The following IGFL2 variants were observed in gnomAD, a reference collection of about 807,000 sequenced individuals.
The protein encoded by IGFL2 is insulin growth factor-like family member 2.
A neutral mutation model predicts 13.9 loss-of-function variants in IGFL2; 7 were observed. The observed-to-expected ratio is 0.51, with a 90% CI of 0.29 to 0.95. The LOEUF is 0.95. Ranked by LOEUF, IGFL2 falls within the 40% of genes least tolerant of loss-of-function variation. The pLI, the probability that IGFL2 is intolerant of heterozygous loss-of-function variation, is 0.08. For synonymous variants in IGFL2, 55 were observed against 55.8 expected, an observed-to-expected ratio of 0.99 and a Z score of 0.07; for missense variants, 138 against 147.8, an observed-to-expected ratio of 0.93 and a Z score of 0.34.
At chr19:46,208,877 G>T in the IGFL2 span, 1 of 151,950 alleles carries the variant, frequency 6.6e-6, no homozygotes, top group South Asian at 2.1e-4. Context: ...GTCTCAGGTA[G>T]TTTTTTTTAG....
the IGFL2 span, among the ~76,000 whole-genome samples, chr19:46,121,349 A>T: frequency 2.7e-5 from 4 of 147,736 alleles, no homozygotes; most frequent in African/African-American, 1.0e-4. Flanking sequence ...AACTGAGATC[A>T]TGCCACTGCA....
At chr19:46,126,311 C>T in the IGFL2 span, among the ~76,000 whole-genome samples, 1 of 152,208 alleles carries the variant, frequency 6.6e-6, no homozygotes, top group Admixed American at 6.5e-5. Context: ...TCTTACACAA[C>T]ATCATTCTCA....
At chr19:46,104,602 ATT>A in the IGFL2 span, among the ~76,000 whole-genome samples, 1 of 152,128 alleles carries the variant, frequency 6.6e-6, no homozygotes, top group Admixed American at 6.5e-5. Flanking sequence ...ACCAAGAGGT[ATT>A]TTAGTTGCCT....
At chr19:46,167,425 C>T in the IGFL2 span, among the ~76,000 whole-genome samples, 44 of 152,260 alleles carry the variant, frequency 2.9e-4, no homozygotes, top group East Asian at 8.5e-3. Context: ...GGACCTTTGC[C>T]CGTATCTGAT....
chr19:46,214,968 G>A, the IGFL2 span: 4 of 151,678 alleles, frequency 2.6e-5, no homozygotes, highest in African/African-American at 4.9e-5. Flanking sequence ...GCCATTGCTG[G>A]CCCCACACTT....
At chr19:46,112,672 T>C in the IGFL2 span, among the ~76,000 whole-genome samples, 2 of 152,222 alleles carry the variant, frequency 1.3e-5, no homozygotes, top group Admixed American at 6.5e-5. Flanking sequence ...TGTTAGAGAA[T>C]AGATTTTCTA....
chr19:46,118,377 A>G, the IGFL2 span, among the ~76,000 whole-genome samples: 1 of 152,212 alleles, frequency 6.6e-6, no homozygotes, highest in Non-Finnish European at 1.5e-5. Flanking sequence ...GAAGTAAGAA[A>G]AGGGTTTGAG....
the IGFL2 span, chr19:46,213,726 C>G: frequency 1.3e-5 from 2 of 153,942 alleles, no homozygotes; most frequent in Admixed American, 1.3e-4. Flanking sequence ...ACCCAATCTT[C>G]TTCTAAATGT....
the IGFL2 span, among the ~76,000 whole-genome samples, chr19:46,195,624 A>G: frequency 6.6e-6 from 1 of 152,064 alleles, no homozygotes; most frequent in East Asian, 1.9e-4. Context: ...GACAGGAGTA[A>G]AATCCACTCC....
the IGFL2 span, among the ~76,000 whole-genome samples, chr19:46,187,194 G>A: frequency 6.6e-6 from 1 of 151,788 alleles, no homozygotes; most frequent in Non-Finnish European, 1.5e-5. Flanking sequence ...CTGCTGGTGT[G>A]TGCTACCTGA....
chr19:46,080,473 G>A, the IGFL2 span, among the ~76,000 whole-genome samples: 4 of 152,298 alleles, frequency 2.6e-5, no homozygotes, highest in South Asian at 8.3e-4. Flanking sequence ...GTGAGTCATG[G>A]CTTGTTCATG....
the IGFL2 span, among the ~76,000 whole-genome samples, chr19:46,176,682 A>AG: frequency 6.6e-6 from 1 of 152,058 alleles, no homozygotes; most frequent in African/African-American, 2.4e-5. Context: ...TGCTGCTCCT[A>AG]GGGGGAAGTG....
intron 1 of IGFL2, among the ~76,000 whole-genome samples, chr19:46,151,377 C>G (rs972015423): frequency 1.3e-5 from 2 of 152,116 alleles, no homozygotes; most frequent in Non-Finnish European, 2.9e-5. Flanking sequence ...CTTCATAGTC[C>G]TAGCACTTTT....
At chr19:46,153,839 A>ATATATT (rs1198396702) in intron 1 of IGFL2, among the ~76,000 whole-genome samples, 2 of 139,366 alleles carry the variant, frequency 1.4e-5, no homozygotes, top group African/African-American at 2.7e-5. Flanking sequence ...ATATATATAT[A>ATATATT]TTTTTTTTAC....
At chr19:46,166,244 C>G (rs903730070), downstream of IGFL2, among the ~76,000 whole-genome samples, 1 of 152,080 alleles carries the variant, frequency 6.6e-6, no homozygotes, top group African/African-American at 2.4e-5. Context: ...AATAAAGGGA[C>G]AGAGTACGAA....
chr19:46,110,213 A>G, the IGFL2 span, among the ~76,000 whole-genome samples: 2 of 152,158 alleles, frequency 1.3e-5, no homozygotes, highest in Non-Finnish European at 2.9e-5. Flanking sequence ...GCTTCTGTAC[A>G]TTCACTTTTC....
the IGFL2 span, among the ~76,000 whole-genome samples, chr19:46,097,241 T>C: frequency 6.6e-6 from 1 of 152,250 alleles, no homozygotes; most frequent in Admixed American, 6.5e-5. Flanking sequence ...GGTTTAGTGT[T>C]GGAAGGGTGT....
the IGFL2 span, among the ~76,000 whole-genome samples, chr19:46,200,276 C>T: frequency 1.3e-5 from 2 of 152,036 alleles, no homozygotes; most frequent in Admixed American, 1.3e-4. Flanking sequence ...TCAGGAAATT[C>T]TCCTGCCTCA....
At chr19:46,169,709 G>T in the IGFL2 span, among the ~76,000 whole-genome samples, 114 of 152,102 alleles carry the variant, frequency 7.5e-4, no homozygotes, top group African/African-American at 2.7e-3. Context: ...TCAACCAGGT[G>T]TGGTGGTGGG....
Sources: gnomAD v4.1 joint callset for allele counts (sites outside exome capture counted in the v4.1 genomes callset) on GRCh38, gnomAD v4.1.1 for gene constraint, MANE v1.5 for transcripts, NCBI Gene and HGNC (gene_info 2026-07-23, HGNC 2026-07-21) for gene names.